The following COL16A1 variants were observed in gnomAD, a reference collection of about 807,000 sequenced individuals.
COL16A1 encodes the protein collagen type XVI alpha 1 chain.
Under a neutral mutation model 266.3 loss-of-function variants are expected in COL16A1, and 189 were observed. That is an observed-to-expected ratio of 0.71 (90% CI 0.63 to 0.80). COL16A1 has a LOEUF of 0.80. Ranked by LOEUF, COL16A1 falls within the 30% of genes least tolerant of loss-of-function variation. The pLI, the probability that COL16A1 is intolerant of heterozygous loss-of-function variation, is 0.00. For missense variants in COL16A1, 1,928 were observed against 2,122.4 expected (o/e 0.91, Z 1.80); for synonymous variants, 740 against 782.3 (o/e 0.95, Z 0.90).
chr1:31,658,423 C>T (rs1285110523), intron 64 of COL16A1, 65 bp downstream of exon 64: 4 of 1,346,812 alleles, frequency 3.0e-6, no homozygotes, highest in Non-Finnish European at 3.1e-6. Context: ...TTGTGCTGTG[C>T]TCAACAGGCC....
intron 44 of COL16A1, among the ~76,000 whole-genome samples, chr1:31,674,756 G>A (rs1020344818): frequency 1.2e-4 from 19 of 152,190 alleles, no homozygotes; most frequent in Non-Finnish European, 2.1e-4. Flanking sequence ...TCAGGGCTGG[G>A]TTCTGCCGAC....
rs1644584317 is a variant in COL16A1, at chr1:31,698,254, C to A, written c.391-82G>T. On this transcript the variant is annotated intron_variant, in intron 5 of 70. Coordinates refer to ENST00000373672, the MANE Select transcript of COL16A1 (RefSeq NM_001856.4). The surrounding 1 kb of genome is among the most constrained non-coding windows in gnomAD (Gnocchi z 4.1). ...TGGGCACGTTCAGGGACCTTGAACT[C>A]ATTTCACAGGAGGGGAACTGAGGCC... 1 of 1,572,730 alleles carries A rather than the reference C, an allele frequency of 6.4e-7. No individual in the cohort carries two copies. The highest frequency in any genetic ancestry group is 1.2e-5 in the South Asian group (1 of 82,830).
chr1:31,666,024 C>T lies in COL16A1; in HGVS notation c.3402+13G>A. On this transcript the variant is annotated intron_variant, in intron 53 of 70. Transcript: ENST00000373672. The stretch of plus-strand genomic sequence containing the variant: ...GACCAGGACCACATCTCCCCATGCC[C>T]TCCTTCACTCACCGCTGGGCCTGGG... 6.2e-6 allele frequency: 10 copies of T among 1,614,096 alleles called. No homozygotes were observed. The highest frequency in any genetic ancestry group is 8.5e-6 in the Non-Finnish European group (10 of 1,180,004).
At chr1:31,695,990 G>A in intron 9 of COL16A1, 98 bp downstream of exon 9, 1 of 1,161,364 alleles carries the variant, frequency 8.6e-7, no homozygotes, top group East Asian at 2.3e-5. Context: ...GGAAAGGCGG[G>A]AGGAGAGTGG....
chr1:31,656,719 G>A lies in COL16A1; in HGVS notation c.4057-275C>T, dbSNP rs1466069313. Among the ~76,000 whole-genome samples, 1 of 152,154 alleles carries A rather than the reference G, an allele frequency of 6.6e-6. No homozygotes were observed. Among genetic ancestry groups the A allele is most frequent in the Non-Finnish European group, 1.5e-5 (1 of 67,984 alleles). ...TGAGAGGGCCAGTCTGTGGCATACTGGGGGGCCTGGAAAGACCTGGTACCC... is the reference window on the plus strand; with the variant it reads ...TGAGAGGGCCAGTCTGTGGCATACTAGGGGGCCTGGAAAGACCTGGTACCC... On this transcript the variant is annotated intron_variant, in intron 65 of 70. Transcript: ENST00000373672. This position sits in a 1 kb window ranked among gnomAD's most constrained non-coding sequence, Gnocchi z 4.2.
At chr1:31,662,287 C>A (rs1167054181) in intron 58 of COL16A1, 47 bp downstream of exon 58, 2 of 1,591,668 alleles carry the variant, frequency 1.3e-6, no homozygotes, top group Admixed American at 1.8e-5. Context: ...GCTCCTCTGG[C>A]AAAAAGGAGA....
Position 31,697,267 on chromosome 1 carries a change from G to C in COL16A1, c.691C>G (p.Pro231Ala). Reference protein sequence around the residue: ...DLQQVHIYCDPELVLEEGCCE... With the variant: ...DLQQVHIYCDAELVLEEGCCE... The stretch of plus-strand genomic sequence containing the variant: ...CAGCCCTCCTCCAGCACGAGCTCCG[G>C]GTCACAGTAGATGTGCACCTGCTGA... Residue 231 changes from proline to alanine, a missense_variant, in exon 7 of 71, where the codon CCG (proline) becomes GCG (alanine). By Grantham distance (27) the Pro-to-Ala change is conservative. Coordinates refer to ENST00000373672, the MANE Select transcript of COL16A1 (RefSeq NM_001856.4). This position sits in a 1 kb window ranked among gnomAD's most constrained non-coding sequence, Gnocchi z 4.2. 1 of 1,612,202 alleles carries C rather than the reference G, an allele frequency of 6.2e-7. No homozygotes were observed. Among genetic ancestry groups the C allele is most frequent in the Non-Finnish European group, 8.5e-7 (1 of 1,179,190 alleles).
Position 31,688,511 on chromosome 1 carries a change from C to T in COL16A1, c.1768-9G>A. The T allele has an allele frequency of 6.2e-7, 1 of 1,614,136 alleles. No individual in the cohort carries two copies. The highest frequency in any genetic ancestry group is 8.5e-7 in the Non-Finnish European group (1 of 1,180,018). The stretch of plus-strand genomic sequence containing the variant: ...GGAACCCCAGCTCTACCCTGAAAAA[C>T]AACCAAGACAGAGTCTCAGCATCTC... On this transcript the variant is annotated splice_polypyrimidine_tract_variant and intron_variant, in intron 25 of 70. Coordinates refer to ENST00000373672, the MANE Select transcript of COL16A1 (RefSeq NM_001856.4). The surrounding 1 kb of genome is among the most constrained non-coding windows in gnomAD (Gnocchi z 4.9).
chr1:31,655,496 G>A lies in COL16A1; in HGVS notation c.4108C>T (p.Pro1370Ser). 1 of 1,613,832 alleles carries A rather than the reference G, an allele frequency of 6.2e-7. No individual in the cohort carries two copies. Among genetic ancestry groups the A allele is most frequent in the South Asian group, 1.1e-5 (1 of 91,060 alleles). The change falls in exon 67 of 71, where the codon CCA (proline) becomes TCA (serine). Residue 1370 changes from proline to serine, a missense_variant. Coordinates refer to ENST00000373672, the MANE Select transcript of COL16A1 (RefSeq NM_001856.4). Reference sequence around the variant, plus strand: ...TGGCCCTTCTGTCCTGCAGCTCCTGGATCACCCTACAAAGATAGATACTTA... The same window carrying A: ...TGGCCCTTCTGTCCTGCAGCTCCTGAATCACCCTACAAAGATAGATACTTA... ...FYGPPGPKGD[P>S]GAAGQKGQAG...
At chr1:31,691,384 A>C in intron 19 of COL16A1, 33 bp downstream of exon 19, 1 of 1,596,512 alleles carries the variant, frequency 6.3e-7, no homozygotes, top group East Asian at 2.2e-5. Context: ...GTCTCTGAGA[A>C]AAGCACAGCA....
intron 2 of COL16A1, chr1:31,701,531 C>T (rs1343211967): frequency 2.0e-6 from 2 of 985,250 alleles, no homozygotes; most frequent in African/African-American, 1.7e-5. Context: ...AGGCAAGTTG[C>T]CCGGTCAACT....
intron 29 of COL16A1, 60 bp from the exon 30 acceptor site, chr1:31,684,916 C>A: frequency 6.2e-7 from 1 of 1,610,352 alleles, no homozygotes; most frequent in Non-Finnish European, 8.5e-7. Context: ...AAGTGCCCGG[C>A]ACCACATCAG....
chr1:31,665,111 CAG>C, intron 56 of COL16A1, 59 bp downstream of exon 56: 1 of 1,583,238 alleles, frequency 6.3e-7, no homozygotes, highest in East Asian at 2.3e-5. Flanking sequence ...AGGGGTGGGA[CAG>C]GGGCATGGGA....
chr1:31,671,681 A>G (rs1642721593), intron 47 of COL16A1, 22 bp from the exon 48 acceptor site: 2 of 1,613,800 alleles, frequency 1.2e-6, no homozygotes, highest in South Asian at 1.1e-5. Flanking sequence ...GCCAAGGGAA[A>G]TGGATGAAGA....
At chr1:31,653,535 A>G in intron 70 of COL16A1, 64 bp downstream of exon 70, 1 of 1,540,304 alleles carries the variant, frequency 6.5e-7, no homozygotes, top group Non-Finnish European at 8.8e-7. Flanking sequence ...GTCATAGAAG[A>G]AACAGAAAGA....
rs768210162 is a variant in COL16A1 at position 31,668,891 on chromosome 1, G to A, written c.3196-36C>T. On this transcript the variant is annotated intron_variant, in intron 49 of 70. Transcript: ENST00000373672. This position sits in a 1 kb window ranked among gnomAD's most constrained non-coding sequence, Gnocchi z 5.8. ...AAAATCATGAGAAACTGCAGGAGCC[G>A]GCGGTCCCCACCCAGCCCCTGACTC... The A allele has an allele frequency of 1.0e-5, 16 of 1,598,838 alleles. No individual in the cohort carries two copies. Among genetic ancestry groups the A allele is most frequent in the East Asian group, 4.5e-5 (2 of 44,718 alleles).
At chr1:31,692,849 G>A (rs760435172) in intron 13 of COL16A1, 41 bp from the exon 14 acceptor site, 3 of 1,577,958 alleles carry the variant, frequency 1.9e-6, no homozygotes, top group South Asian at 1.1e-5. Context: ...GGAACTCCTG[G>A]GGAAGTCCCC....
chr1:31,657,403 A>G lies in COL16A1; in HGVS notation c.4021-335T>C. 3.1e-6 allele frequency: 1 copy of G among 318,824 alleles called. No individual in the cohort carries two copies. Among genetic ancestry groups the G allele is most frequent in the Non-Finnish European group, 5.8e-6 (1 of 171,024 alleles). 19.7% of individuals were successfully genotyped at this position (318,824 alleles called of 1,614,324 possible). ...TATGTTAAACGTTTGCTGAATGAAC[A>G]CATGAACAGCCTGAGCCGGCCCCCT... is the stretch of plus-strand genomic sequence containing the variant. On this transcript the variant is annotated intron_variant, in intron 64 of 70. Coordinates refer to ENST00000373672, the MANE Select transcript of COL16A1 (RefSeq NM_001856.4). The surrounding 1 kb of genome is among the most constrained non-coding windows in gnomAD (Gnocchi z 6.4).
intron 42 of COL16A1, among the ~76,000 whole-genome samples, chr1:31,678,809 G>A (rs139162886): frequency 4.6e-5 from 7 of 152,300 alleles, no homozygotes; most frequent in African/African-American, 1.2e-4. Flanking sequence ...CTTGCCTACC[G>A]TCACACAGCT....
Sources: gnomAD v4.1 joint callset for allele counts (sites outside exome capture counted in the v4.1 genomes callset) on GRCh38, gnomAD v4.1.1 for gene constraint, Gnocchi (gnomAD v3.1) non-coding constraint, MANE v1.5 for transcripts, NCBI Gene and HGNC (gene_info 2026-07-23, HGNC 2026-07-21) for gene names.